NXPH1: variants seen among roughly 807,000 people sequenced by gnomAD.
The protein encoded by NXPH1 is neurexophilin-1.
A neutral mutation model predicts 23.7 loss-of-function variants in NXPH1; 5 were observed. That is an observed-to-expected ratio of 0.21 (90% confidence interval 0.11 to 0.44). The LOEUF is 0.44. Ranked by LOEUF, NXPH1 falls within the 20% of genes least tolerant of loss-of-function variation. The probability of loss-of-function intolerance (pLI) is 0.99; values close to 1 mark genes in which losing one functional copy is unlikely to be tolerated. For synonymous variants in NXPH1, 144 were observed against 122.2 expected (o/e 1.18, Z -1.18); for missense variants, 324 against 321.6 (o/e 1.01, Z -0.06).
At chr7:8,535,545 A>C (rs1029571875) in intron 2 of NXPH1, among the ~76,000 whole-genome samples, 1 of 151,944 alleles carries the variant, frequency 6.6e-6, no homozygotes, top group Non-Finnish European at 1.5e-5. Context: ...GGAAAAAAAA[A>C]TCCAGACAAA....
intron 2 of NXPH1, among the ~76,000 whole-genome samples, chr7:8,437,727 C>A (rs974765417): frequency 6.6e-6 from 1 of 152,228 alleles, no homozygotes; most frequent in African/African-American, 2.4e-5. Flanking sequence ...CAACAACAAG[C>A]GCATTAATTC....
Position 8,656,650 on chromosome 7 carries a change from G to A in NXPH1, c.55-94358G>A, listed in dbSNP as rs185751319. On this transcript the variant is annotated intron_variant, in intron 2 of 2. Transcript: ENST00000405863. ...GCTGGTGCGCTGCACCCACTAACTCGTCATCTAGCATTAGGTATATCTCCC... is the reference window on the plus strand; with the variant it reads ...GCTGGTGCGCTGCACCCACTAACTCATCATCTAGCATTAGGTATATCTCCC... Among the ~76,000 whole-genome samples the A allele has an allele frequency of 7.8e-3, 1,184 of 151,488 alleles. 13 individuals carry two copies. Among genetic ancestry groups the A allele is most frequent in the Middle Eastern group, 0.044 (13 of 294 alleles).
chr7:8,453,383 G>T (rs1241662848), intron 2 of NXPH1, among the ~76,000 whole-genome samples: 1 of 152,122 alleles, frequency 6.6e-6, no homozygotes, highest in Non-Finnish European at 1.5e-5. Flanking sequence ...CACCAAAAAT[G>T]TTATAGAAAT....
chr7:8,589,736 T>C (rs899910721), intron 2 of NXPH1, among the ~76,000 whole-genome samples: 1 of 152,014 alleles, frequency 6.6e-6, no homozygotes, highest in African/African-American at 2.4e-5. Context: ...TTAAAGACTA[T>C]GCTCTGGGAA....
chr7:8,591,078 A>G (rs1819085067), intron 2 of NXPH1, among the ~76,000 whole-genome samples: 1 of 152,096 alleles, frequency 6.6e-6, no homozygotes. Flanking sequence ...TAAGAAAAGC[A>G]GAGAGGAGAA....
At chr7:8,518,682 T>A (rs898807283) in intron 2 of NXPH1, among the ~76,000 whole-genome samples, 1 of 151,914 alleles carries the variant, frequency 6.6e-6, no homozygotes, top group African/African-American at 2.4e-5. Flanking sequence ...GATGAGGTCT[T>A]CCTATGTCTC....
intron 2 of NXPH1, among the ~76,000 whole-genome samples, chr7:8,506,693 T>C (rs1375322821): frequency 6.6e-6 from 1 of 151,998 alleles, no homozygotes; most frequent in African/African-American, 2.4e-5. Context: ...GAGGTGATGT[T>C]TGAGATAAGA....
At chr7:8,505,067 T>A (rs1351438487) in intron 2 of NXPH1, among the ~76,000 whole-genome samples, 1 of 152,028 alleles carries the variant, frequency 6.6e-6, no homozygotes, top group Non-Finnish European at 1.5e-5. Context: ...CTGCACACAG[T>A]AGGGGATCAA....
chr7:8,448,338 C>G (rs1371699272), intron 2 of NXPH1, among the ~76,000 whole-genome samples: 1 of 152,212 alleles, frequency 6.6e-6, no homozygotes, highest in Non-Finnish European at 1.5e-5. Flanking sequence ...GGTTTCCGGA[C>G]CAGGTTCCCA....
At chr7:8,585,660 T>C (rs1157019486) in intron 2 of NXPH1, among the ~76,000 whole-genome samples, 1 of 152,200 alleles carries the variant, frequency 6.6e-6, no homozygotes, top group Non-Finnish European at 1.5e-5. Flanking sequence ...TTGGCTGGAC[T>C]GTTTATATTT....
chr7:8,546,789 G>A (rs935887195), intron 2 of NXPH1, among the ~76,000 whole-genome samples: 1 of 151,350 alleles, frequency 6.6e-6, no homozygotes, highest in Non-Finnish European at 1.5e-5. Flanking sequence ...GCTAATTGGT[G>A]CTTAACGTAT....
In NXPH1 at chr7:8,542,140, GA is replaced by G. The variant is rs201023735; in HGVS notation, c.54+106379del. Among the ~76,000 whole-genome samples, 876 of 151,116 alleles carry G rather than the reference GA, an allele frequency of 5.8e-3. 21 individuals are homozygous for G. Among genetic ancestry groups the G allele is most frequent in the Admixed American group, 0.043 (648 of 15,160 alleles). ...ACTTTATCAATTATAAGAAAAAAAA[GA>G]AAAAATATACAATGTTAACATTAAC... On this transcript the variant is annotated intron_variant, in intron 2 of 2. Transcript: ENST00000405863.
At chr7:8,687,294 G>A (rs1479908109) in intron 2 of NXPH1, among the ~76,000 whole-genome samples, 2 of 152,026 alleles carry the variant, frequency 1.3e-5, no homozygotes, top group Non-Finnish European at 2.9e-5. Flanking sequence ...GTGAGAAAAA[G>A]GAGCAGGGGG....
At chr7:8,473,606 T>C (rs1296993112) in intron 2 of NXPH1, among the ~76,000 whole-genome samples, 1 of 152,162 alleles carries the variant, frequency 6.6e-6, no homozygotes, top group Non-Finnish European at 1.5e-5. Context: ...ACTTTTGTTA[T>C]ATTTTTTCAG....
At chr7:8,737,033 T>G (rs1364226643) in intron 2 of NXPH1, among the ~76,000 whole-genome samples, 1 of 152,124 alleles carries the variant, frequency 6.6e-6, no homozygotes, top group Non-Finnish European at 1.5e-5. Flanking sequence ...TGTGTTTGCA[T>G]GTCAGATGGG....
chr7:8,445,015 A>T (rs528219503), intron 2 of NXPH1, among the ~76,000 whole-genome samples: 1 of 152,310 alleles, frequency 6.6e-6, no homozygotes, highest in South Asian at 2.1e-4. Flanking sequence ...TGTATGATGT[A>T]GGGCATGATT....
At chr7:8,595,447 G>A (rs1156671955) in intron 2 of NXPH1, among the ~76,000 whole-genome samples, 1 of 151,832 alleles carries the variant, frequency 6.6e-6, no homozygotes, top group Non-Finnish European at 1.5e-5. Context: ...CAACCATCTG[G>A]AAATTATTTG....
At chr7:8,449,467 T>C (rs1816467003) in intron 2 of NXPH1, among the ~76,000 whole-genome samples, 1 of 152,234 alleles carries the variant, frequency 6.6e-6, no homozygotes, top group Admixed American at 6.5e-5. Flanking sequence ...TTTTTCCATT[T>C]AGTTATTTTA....
chr7:8,592,462 G>T (rs187072840), intron 2 of NXPH1, among the ~76,000 whole-genome samples: 60 of 152,044 alleles, frequency 3.9e-4, no homozygotes, highest in Admixed American at 3.9e-3. Flanking sequence ...CCTTTTGTAG[G>T]CTTGTTTACT....
Sources: gnomAD v4.1 joint callset for allele counts (sites outside exome capture counted in the v4.1 genomes callset) on GRCh38, gnomAD v4.1.1 for gene constraint, MANE v1.5 for transcripts, NCBI Gene and HGNC (gene_info 2026-07-23, HGNC 2026-07-21) for gene names.